The following VPS8 variants were observed in gnomAD, a reference collection of about 807,000 sequenced individuals.
The protein encoded by VPS8 is vacuolar protein sorting-associated protein 8 homolog.
In VPS8, 129 loss-of-function variants were observed where a neutral mutation model predicts 216.4. That is an observed-to-expected ratio of 0.60 (90% CI 0.52 to 0.69). The LOEUF (loss-of-function observed/expected upper bound fraction) is 0.69, where lower values mean the gene tolerates loss of function less well. Among genes scored for constraint, VPS8 ranks in the 30% least tolerant of loss-of-function variants. VPS8 has a pLI of 0.00. For synonymous variants in VPS8, 571 were observed against 565.4 expected (o/e 1.01, Z -0.14); for missense variants, 1,531 against 1,683.5 (o/e 0.91, Z 1.59).
At chr3:185,046,285 A>C (rs961225803) in intron 46 of VPS8, among the ~76,000 whole-genome samples, 5 of 152,174 alleles carry the variant, frequency 3.3e-5, no homozygotes, top group Non-Finnish European at 5.9e-5. Flanking sequence ...GTAGACGGAA[A>C]CTGTTACTTA....
At chr3:184,926,167 A>G (rs1481357370) in intron 30 of VPS8, among the ~76,000 whole-genome samples, 1 of 151,206 alleles carries the variant, frequency 6.6e-6, no homozygotes, top group Admixed American at 6.6e-5. Flanking sequence ...CGAGGTCAGG[A>G]GATCGAGACC....
At chr3:184,880,202 A>G (rs1009846689) in intron 21 of VPS8, among the ~76,000 whole-genome samples, 3 of 152,216 alleles carry the variant, frequency 2.0e-5, no homozygotes, top group Non-Finnish European at 4.4e-5. Context: ...TCATGAAACT[A>G]TGGTACAGTC....
chr3:184,837,212 G>GTT (rs5855043), intron 5 of VPS8, among the ~76,000 whole-genome samples: 17 of 151,692 alleles, frequency 1.1e-4, no homozygotes, highest in Admixed American at 6.6e-4. Context: ...TAATATCTGT[G>GTT]TTTTTTTTAG....
At chr3:185,008,568 C>T (rs1398482681) in intron 45 of VPS8, among the ~76,000 whole-genome samples, 1 of 151,936 alleles carries the variant, frequency 6.6e-6, no homozygotes, top group Non-Finnish European at 1.5e-5. Context: ...ATGAGGGAAA[C>T]GTACGTTAGG....
chr3:184,954,755 C>T (rs1411271067), intron 36 of VPS8, among the ~76,000 whole-genome samples: 1 of 151,926 alleles, frequency 6.6e-6, no homozygotes, highest in East Asian at 1.9e-4. Context: ...TACCTAGGTG[C>T]CGAGGCAAGA....
chr3:185,011,415 A>G (rs1025766783), intron 45 of VPS8, among the ~76,000 whole-genome samples: 1 of 152,192 alleles, frequency 6.6e-6, no homozygotes, highest in Non-Finnish European at 1.5e-5. Flanking sequence ...ATGAAGAAAC[A>G]GAGGTCAAAG....
intron 34 of VPS8, among the ~76,000 whole-genome samples, chr3:184,933,864 A>G (rs997399028): frequency 3.3e-5 from 5 of 152,124 alleles, no homozygotes; most frequent in African/African-American, 1.2e-4. Context: ...ACCACACTAT[A>G]TTTAATATTG....
At chr3:185,050,292 T>G (rs1207678149) in intron 47 of VPS8, among the ~76,000 whole-genome samples, 1 of 152,060 alleles carries the variant, frequency 6.6e-6, no homozygotes, top group South Asian at 2.1e-4. Context: ...AAGAAGGAAG[T>G]GGCACGAAGT....
chr3:184,940,272 A>ATATT, intron 36 of VPS8, 29 bp downstream of exon 36: 2 of 723,964 alleles, frequency 2.8e-6, no homozygotes, highest in Non-Finnish European at 3.8e-6. Flanking sequence ...GTCTTTCATT[A>ATATT]TATATATATA....
intron 34 of VPS8, among the ~76,000 whole-genome samples, chr3:184,935,985 G>C (rs1313964113): frequency 6.6e-6 from 1 of 152,092 alleles, no homozygotes; most frequent in Non-Finnish European, 1.5e-5. Flanking sequence ...CTGAAATCCA[G>C]AATTCTATAG....
chr3:184,980,239 A>G (rs1749976829), intron 40 of VPS8, among the ~76,000 whole-genome samples: 1 of 144,596 alleles, frequency 6.9e-6, no homozygotes, highest in Non-Finnish European at 1.5e-5. Flanking sequence ...TTTCATGTTG[A>G]CCTTGGAGAT....
chr3:184,861,375 T>G (rs1726348571), intron 15 of VPS8, among the ~76,000 whole-genome samples: 1 of 152,230 alleles, frequency 6.6e-6, no homozygotes, highest in Admixed American at 6.5e-5. Flanking sequence ...ACTTGATAAC[T>G]GTAATTTTTT....
At position 184,862,886 on chromosome 3, in the gene VPS8, T is replaced by C; in HGVS notation, c.1225-11T>C. ...GTCTCACTTTTGTTTTGTTGTGTGC[T>C]TGAATTACAGTGGATAAATTCACGC... On this transcript the variant is annotated splice_polypyrimidine_tract_variant and intron_variant, in intron 15 of 47. Coordinates refer to ENST00000625842, the MANE Select transcript of VPS8 (RefSeq NM_001009921.3). The C allele has an allele frequency of 6.2e-7, 1 of 1,606,244 alleles. No homozygotes were observed. Among genetic ancestry groups the C allele is most frequent in the Non-Finnish European group, 8.5e-7 (1 of 1,174,868 alleles).
chr3:184,912,750 A>G (rs1442511547), intron 25 of VPS8, among the ~76,000 whole-genome samples: 1 of 152,148 alleles, frequency 6.6e-6, no homozygotes, highest in African/African-American at 2.4e-5. Context: ...ACAGATTTTG[A>G]GTATTTGTGA....
chr3:184,957,600 G>A, intron 37 of VPS8, 79 bp downstream of exon 37: 1 of 1,417,818 alleles, frequency 7.1e-7, no homozygotes, highest in Non-Finnish European at 9.4e-7. Flanking sequence ...AAGACAAGGG[G>A]AAAAAATATA....
intron 45 of VPS8, among the ~76,000 whole-genome samples, chr3:185,005,230 T>G (rs1754080885): frequency 6.6e-6 from 1 of 152,244 alleles, no homozygotes; most frequent in Non-Finnish European, 1.5e-5. Context: ...TCCATTGGTC[T>G]ACATTCCTAT....
intron 46 of VPS8, among the ~76,000 whole-genome samples, chr3:185,032,788 C>T (rs1758355886): frequency 6.6e-6 from 1 of 152,108 alleles, no homozygotes; most frequent in African/African-American, 2.4e-5. Context: ...GCCTCAGCCT[C>T]CCGAGTAGTT....
rs1005048667 is a variant in VPS8, at chr3:184,855,837, A to C, written c.1143+19A>C. On this transcript the variant is annotated intron_variant, in intron 14 of 47. Transcript: ENST00000625842. ...TCTATTGGTAAGTCCTAATATGACC[A>C]TTAGAAAGCCTCTTACAATTTTTTT... The C allele has an allele frequency of 6.4e-7, 1 of 1,567,230 alleles. No homozygotes were observed. The highest frequency in any genetic ancestry group is 1.4e-5 in the African/African-American group (1 of 72,030).
In VPS8 at chr3:184,870,726, T is replaced by C. The variant is rs896284026; in HGVS notation, c.1655T>C (p.Ile552Thr). The C allele has an allele frequency of 2.2e-5, 35 of 1,611,398 alleles. No homozygotes were observed. The highest frequency in any genetic ancestry group is 3.0e-5 in the Non-Finnish European group (35 of 1,178,664). ...CTGTTTTCCTTACAGATGGTAGAAA[T>C]CCTATTCCATTATGCAGATCGAGCT... is the stretch of plus-strand genomic sequence containing the variant. Reference protein sequence around the residue: ...KAIVADRMVEILFHYADRALK... With the variant: ...KAIVADRMVETLFHYADRALK... Residue 552 changes from isoleucine to threonine, a missense_variant, in exon 21 of 48, where the codon ATC (isoleucine) becomes ACC (threonine). Ile to Thr is a moderately conservative substitution (Grantham distance 89). This residue lies in a region of VPS8 where 1,318 missense variants were observed against 1,468.4 expected (regional missense o/e 0.90). Transcript: ENST00000625842.
Sources: gnomAD v4.1 joint callset for allele counts (sites outside exome capture counted in the v4.1 genomes callset) on GRCh38, gnomAD v4.1.1 for gene constraint, gnomAD v4.1.1 regional missense constraint, MANE v1.5 for transcripts, NCBI Gene and HGNC (gene_info 2026-07-23, HGNC 2026-07-21) for gene names.